KLF8: variants seen among roughly 807,000 people sequenced by gnomAD.
The protein encoded by KLF8 is KLF transcription factor 8.
Under a neutral mutation model 18.2 loss-of-function variants are expected in KLF8, and 10 were observed. That is an observed-to-expected ratio of 0.55 (90% CI 0.34 to 0.93). KLF8 has a LOEUF of 0.93. KLF8 is among the 40% of genes least tolerant of loss of function. The pLI, the probability that KLF8 is intolerant of heterozygous loss-of-function variation, is 0.02. For missense variants in KLF8, 264 were observed against 277.9 expected (o/e 0.95, Z 0.36); for synonymous variants, 109 against 97.3 (o/e 1.12, Z -0.71).
chrX:55,948,491 A>G, the KLF8 span, among the ~76,000 whole-genome samples: 1 of 112,327 alleles, frequency 8.9e-6, no homozygotes, highest in African/African-American at 3.2e-5. Flanking sequence ...AGTTCTTACA[A>G]TTGCAGAAAG....
chrX:56,282,811 C>T (rs758553625), intron 5 of KLF8, among the ~76,000 whole-genome samples: 84 of 112,051 alleles, frequency 7.5e-4, no homozygotes, highest in African/African-American at 2.3e-3. Flanking sequence ...AGAAAGCAAA[C>T]ATTACCCTAA....
the KLF8 span, among the ~76,000 whole-genome samples, chrX:55,915,173 A>G: frequency 9.0e-6 from 1 of 111,245 alleles, no homozygotes; most frequent in South Asian, 3.8e-4. Context: ...ACAGCAATAA[A>G]TGTACCAAGT....
chrX:56,083,795 T>C, the KLF8 span, among the ~76,000 whole-genome samples: 1 of 111,365 alleles, frequency 9.0e-6, no homozygotes, highest in East Asian at 2.8e-4. Context: ...TATTGTGAAC[T>C]GTGCATGTGA....
At chrX:56,059,796 A>G in the KLF8 span, among the ~76,000 whole-genome samples, 1 of 111,579 alleles carries the variant, frequency 9.0e-6, no homozygotes, top group African/African-American at 3.3e-5. Context: ...TGATGCCTTC[A>G]GCTTTTATTT....
At chrX:56,005,878 G>T in the KLF8 span, among the ~76,000 whole-genome samples, 1 of 111,924 alleles carries the variant, frequency 8.9e-6, no homozygotes, top group Non-Finnish European at 1.9e-5. Flanking sequence ...GCTCTGCAGT[G>T]GTCAGTTATG....
At chrX:56,212,003 G>T in the KLF8 span, among the ~76,000 whole-genome samples, 1 of 111,281 alleles carries the variant, frequency 9.0e-6, no homozygotes. Flanking sequence ...GTCATTCAGG[G>T]CCCAAGGGTA....
At chrX:56,133,067 G>T in the KLF8 span, among the ~76,000 whole-genome samples, 1 of 111,640 alleles carries the variant, frequency 9.0e-6, no homozygotes, top group African/African-American at 3.3e-5. Context: ...TGGATTCACA[G>T]CTGAATTCTA....
chrX:55,930,358 A>G, the KLF8 span, among the ~76,000 whole-genome samples: 1 of 111,579 alleles, frequency 9.0e-6, no homozygotes, highest in South Asian at 3.8e-4. Context: ...CTCTCTTCCT[A>G]TTTGAATACC....
chrX:55,963,895 T>A, the KLF8 span, among the ~76,000 whole-genome samples: 2 of 111,367 alleles, frequency 1.8e-5, no homozygotes, highest in Admixed American at 9.6e-5. Context: ...ACAATTTTTT[T>A]TAAAAAAGCC....
At chrX:55,950,550 T>A in the KLF8 span, among the ~76,000 whole-genome samples, 1 of 111,470 alleles carries the variant, frequency 9.0e-6, no homozygotes, top group African/African-American at 3.3e-5. Context: ...TTGGGGGCTG[T>A]TATGAGGATT....
At chrX:56,050,043 G>C in the KLF8 span, among the ~76,000 whole-genome samples, 4 of 111,018 alleles carry the variant, frequency 3.6e-5, no homozygotes, top group Non-Finnish European at 7.6e-5. Context: ...AGATTTTCTA[G>C]TTTATTTGCA....
At chrX:56,262,621 A>G (rs1237781539) in intron 2 of KLF8, among the ~76,000 whole-genome samples, 2 of 111,579 alleles carry the variant, frequency 1.8e-5, no homozygotes, top group Non-Finnish European at 3.8e-5. Flanking sequence ...TGCACCCACA[A>G]CTATATTCTT....
the KLF8 span, among the ~76,000 whole-genome samples, chrX:56,185,326 A>C: frequency 8.9e-6 from 1 of 111,849 alleles, no homozygotes; most frequent in Non-Finnish European, 1.9e-5. Flanking sequence ...TTTAGAGAAA[A>C]AAGAATAAAA....
chrX:56,148,852 G>T, the KLF8 span, among the ~76,000 whole-genome samples: 1 of 111,733 alleles, frequency 8.9e-6, no homozygotes, highest in Non-Finnish European at 1.9e-5. Flanking sequence ...CTTGACACTG[G>T]AGATTATTAC....
chrX:56,235,896 T>TA (rs1049533463), intron 1 of KLF8, among the ~76,000 whole-genome samples: 2 of 112,393 alleles, frequency 1.8e-5, no homozygotes, highest in African/African-American at 3.2e-5. Flanking sequence ...TTTTGTTATT[T>TA]AAAAAAATTT....
At chrX:56,007,483 A>G in the KLF8 span, among the ~76,000 whole-genome samples, 1 of 111,342 alleles carries the variant, frequency 9.0e-6, no homozygotes, top group African/African-American at 3.3e-5. Flanking sequence ...CTGTGGTGGG[A>G]ACCTGAACCA....
At chrX:56,136,572 T>A in the KLF8 span, among the ~76,000 whole-genome samples, 7 of 111,552 alleles carry the variant, frequency 6.3e-5, no homozygotes, top group South Asian at 2.3e-3. Context: ...TGAAACTGGA[T>A]CCCTTCCTTA....
the KLF8 span, among the ~76,000 whole-genome samples, chrX:56,164,784 G>C: frequency 1.3e-5 from 1 of 79,198 alleles, no homozygotes; most frequent in Non-Finnish European, 2.4e-5. Flanking sequence ...TAAGTTTTAG[G>C]GTACATGTGC....
chrX:56,236,770 C>T (rs1416892363), intron 1 of KLF8, among the ~76,000 whole-genome samples: 10 of 109,804 alleles, frequency 9.1e-5, no homozygotes, highest in Middle Eastern at 4.6e-3. Flanking sequence ...CATTTTGCCT[C>T]GCTGGAGGCA....
Sources: allele counts gnomAD v4.1 joint callset (sites outside exome capture counted in the v4.1 genomes callset), GRCh38; gene constraint gnomAD v4.1.1; transcripts MANE v1.5; gene names NCBI Gene and HGNC (gene_info 2026-07-23, HGNC 2026-07-21).